The following LAMA1 variants were observed in gnomAD, a reference collection of about 807,000 sequenced individuals.
The protein encoded by LAMA1 is laminin subunit alpha-1.
A neutral mutation model predicts 348.7 loss-of-function variants in LAMA1; 219 were observed. The observed-to-expected ratio is 0.63, with a 90% confidence interval of 0.56 to 0.70. The LOEUF is 0.70. Ranked by LOEUF, LAMA1 falls within the 30% of genes least tolerant of loss-of-function variation. The pLI is 0.00. For missense variants in LAMA1, 3,744 were observed against 3,888.0 expected (o/e 0.96, Z 0.99); for synonymous variants, 1,487 against 1,491.0 (o/e 1.00, Z 0.06).
intron 5 of LAMA1, among the ~76,000 whole-genome samples, chr18:7,047,857 C>T (rs1224469847): frequency 2.0e-5 from 3 of 152,052 alleles, no homozygotes; most frequent in Admixed American, 6.6e-5. Flanking sequence ...AACTCTGACT[C>T]CTCCCTCACA....
intron 3 of LAMA1, among the ~76,000 whole-genome samples, chr18:7,067,613 T>C (rs1428784300): frequency 6.6e-6 from 1 of 152,076 alleles, no homozygotes; most frequent in Non-Finnish European, 1.5e-5. Context: ...TATACAAGTG[T>C]CTGTATTTAT....
At chr18:6,966,019 G>C (rs2057631376) in intron 49 of LAMA1, 128 bp downstream of exon 49, 1 of 968,742 alleles carries the variant, frequency 1.0e-6, no homozygotes, top group African/African-American at 1.6e-5. Context: ...ACTAGCATAT[G>C]CTCATAAAAA....
rs1568010326 is a variant in LAMA1 at position 6,965,442 on chromosome 18, A to G, written c.7051-10T>C. 1.2e-6 allele frequency: 2 copies of G among 1,614,164 alleles called. No individual in the cohort carries two copies. The highest frequency in any genetic ancestry group is 1.7e-6 in the Non-Finnish European group (2 of 1,179,992). Reference sequence around the variant, plus strand: ...TGGATAAAAAGTCTTTCTGTAAAAAAGAGAACACAGTTCCCCAGGTTATAG... The same window carrying G: ...TGGATAAAAAGTCTTTCTGTAAAAAGGAGAACACAGTTCCCCAGGTTATAG... On this transcript the variant is annotated splice_polypyrimidine_tract_variant and intron_variant, in intron 49 of 62. Transcript: ENST00000389658.
At chr18:7,107,370 C>T (rs910395066) in intron 1 of LAMA1, among the ~76,000 whole-genome samples, 13 of 151,890 alleles carry the variant, frequency 8.6e-5, no homozygotes, top group Non-Finnish European at 1.0e-4. Flanking sequence ...CACCCGCCTC[C>T]GCCTCCCAAA....
At chr18:7,117,573 A>C in intron 1 of LAMA1, 87 bp downstream of exon 1, 1 of 1,399,704 alleles carries the variant, frequency 7.1e-7, no homozygotes, top group Non-Finnish European at 9.8e-7. Context: ...GGACTCCAGC[A>C]GCCCCAACGC....
intron 46 of LAMA1, among the ~76,000 whole-genome samples, chr18:6,973,456 A>T (rs564932234): frequency 6.6e-6 from 1 of 152,314 alleles, no homozygotes; most frequent in East Asian, 1.9e-4. Context: ...GTATCTGAAG[A>T]TATGTCTACT....
intron 1 of LAMA1, among the ~76,000 whole-genome samples, chr18:7,117,060 C>T (rs915205675): frequency 6.6e-6 from 1 of 152,194 alleles, no homozygotes; most frequent in Non-Finnish European, 1.5e-5. Flanking sequence ...GCCCTGGACG[C>T]CGCCTGCGGG....
intron 3 of LAMA1, among the ~76,000 whole-genome samples, chr18:7,060,679 G>A (rs1014928686): frequency 1.3e-5 from 2 of 152,104 alleles, no homozygotes; most frequent in South Asian, 4.1e-4. Context: ...CATTTAAAAC[G>A]TAAATAGTAA....
intron 16 of LAMA1, among the ~76,000 whole-genome samples, chr18:7,030,806 T>C (rs1169812632): frequency 6.6e-6 from 1 of 151,916 alleles, no homozygotes; most frequent in Non-Finnish European, 1.5e-5. Flanking sequence ...AAGACATAAG[T>C]GGCAGAACCA....
intron 44 of LAMA1, among the ~76,000 whole-genome samples, chr18:6,976,481 T>G (rs1243476857): frequency 6.6e-6 from 1 of 152,214 alleles, no homozygotes; most frequent in East Asian, 1.9e-4. Flanking sequence ...GAGCAATTAT[T>G]GCACTTACTA....
chr18:6,986,066 C>A, intron 37 of LAMA1, 71 bp downstream of exon 37: 1 of 1,572,666 alleles, frequency 6.4e-7, no homozygotes, highest in Non-Finnish European at 8.7e-7. Flanking sequence ...CCAGGGCTCA[C>A]TTTTAATTGC....
At chr18:6,983,677 T>A (rs652374) in intron 39 of LAMA1, among the ~76,000 whole-genome samples, 126,121 of 152,198 alleles carry the variant, frequency 0.83, 52,640 homozygotes, top group East Asian at 0.99. Context: ...CTTATCCCTC[T>A]AATGGCATAC....
At chr18:7,019,129 G>A (rs566042) in intron 19 of LAMA1, among the ~76,000 whole-genome samples, 20,387 of 151,102 alleles carry the variant, frequency 0.13, 1,508 homozygotes, top group Middle Eastern at 0.17. Flanking sequence ...TCCCTGGCAC[G>A]TCCGTCCAAT....
intron 29 of LAMA1, among the ~76,000 whole-genome samples, chr18:7,003,408 A>G (rs566021044): frequency 7.5e-4 from 114 of 152,082 alleles, no homozygotes; most frequent in African/African-American, 2.7e-3. Flanking sequence ...CCACCACCAC[A>G]ACCGGCTAAT....
chr18:6,945,394 C>T (rs958167513), intron 61 of LAMA1, among the ~76,000 whole-genome samples: 19 of 152,134 alleles, frequency 1.2e-4, no homozygotes, highest in African/African-American at 4.3e-4. Flanking sequence ...CTCCCCACCC[C>T]CACTCTAGGA....
chr18:7,079,654 T>C, intron 3 of LAMA1: 1 of 411,518 alleles, frequency 2.4e-6, no homozygotes, highest in South Asian at 2.4e-5. Context: ...CCCCTCTCCC[T>C]CCCCATGCAT....
intron 3 of LAMA1, among the ~76,000 whole-genome samples, chr18:7,074,959 C>T (rs1353921458): frequency 2.4e-5 from 1 of 42,070 alleles, no homozygotes; most frequent in Non-Finnish European, 4.6e-5. Flanking sequence ...AAACCTAATA[C>T]ATAGAGGCAA....
At position 7,049,182 on chromosome 18, in the gene LAMA1, G is replaced by A. The variant is rs1057517756; in HGVS notation, c.664C>T (p.Arg222Ter). The change falls in exon 5 of 63, where the codon CGA becomes TGA. Residue 222 changes from arginine to a stop codon, truncating the protein, a stop_gained. Coordinates refer to ENST00000389658, the MANE Select transcript of LAMA1 (RefSeq NM_005559.4). LOFTEE classifies it high-confidence loss of function. ...SPKLLEFTSA[R>*]YIRLRLQRIR... ...CGTTGCAAGCGAAGGCGAATATATC[G>A]TGCAGAAGTGAATTCCAACAACTTG... The A allele has an allele frequency of 3.7e-6, 6 of 1,613,988 alleles. No individual in the cohort carries two copies. Among genetic ancestry groups the A allele is most frequent in the East Asian group, 2.2e-5 (1 of 44,892 alleles).
At chr18:7,112,771 G>T (rs2143839297) in intron 1 of LAMA1, among the ~76,000 whole-genome samples, 1 of 151,862 alleles carries the variant, frequency 6.6e-6, no homozygotes, top group African/African-American at 2.4e-5. Flanking sequence ...TGAGTAGCTG[G>T]GATTACAGGC....
Sources: gnomAD v4.1 joint callset for allele counts (sites outside exome capture counted in the v4.1 genomes callset) on GRCh38, gnomAD v4.1.1 for gene constraint, MANE v1.5 for transcripts, NCBI Gene and HGNC (gene_info 2026-07-23, HGNC 2026-07-21) for gene names.